Variants in SAMD12 observed in about 807,000 individuals in gnomAD.
SAMD12 encodes sterile alpha motif domain-containing protein 12.
In SAMD12, 9 loss-of-function variants were observed where a neutral mutation model predicts 15.0. The ratio of observed to expected loss-of-function variants is 0.60; its 90% CI spans 0.36 to 1.05. The LOEUF (loss-of-function observed/expected upper bound fraction) is 1.05, where lower values mean the gene tolerates loss of function less well. Ranked by LOEUF, SAMD12 falls within the 50% of genes least tolerant of loss-of-function variation. SAMD12 has a pLI of 0.01. For synonymous variants in SAMD12, 86 were observed against 90.1 expected, an observed-to-expected ratio of 0.96 and a Z score of 0.25; for missense variants, 230 against 234.2, an observed-to-expected ratio of 0.98 and a Z score of 0.12.
At chr8:118,435,909 A>G (rs13263320) in intron 3 of SAMD12, among the ~76,000 whole-genome samples, 71,855 of 152,038 alleles carry the variant, frequency 0.47, 18,311 homozygotes, top group Admixed American at 0.58. Flanking sequence ...GATCAGGAAG[A>G]CTGAAATAAA....
In SAMD12 at chr8:118,209,124, G is replaced by C. The variant is rs17507390; in HGVS notation, c.434-11392C>G. On this transcript the variant is annotated intron_variant, in intron 4 of 4. Transcript: ENST00000409003. ...TTCCCCTTGGGTCATACCAGGGCAG[G>C]ATTCTGAAGACAGTCTCCAAGGTTA... Among the ~76,000 whole-genome samples, 285 of 152,304 alleles carry C rather than the reference G, an allele frequency of 1.9e-3. 1 individual carries two copies. The highest frequency in any genetic ancestry group is 6.6e-3 in the African/African-American group (275 of 41,568).
At chr8:118,416,973 C>G (rs1050160602) in intron 3 of SAMD12, among the ~76,000 whole-genome samples, 1 of 152,114 alleles carries the variant, frequency 6.6e-6, no homozygotes, top group Non-Finnish European at 1.5e-5. Context: ...CTGAACATCA[C>G]CCCGGTTTTT....
chr8:118,179,752 G>T, the SAMD12 span, among the ~76,000 whole-genome samples: 1 of 152,134 alleles, frequency 6.6e-6, no homozygotes, highest in African/African-American at 2.4e-5. Context: ...AGTGTTTGCG[G>T]TTTACTATCT....
intron 4 of SAMD12, among the ~76,000 whole-genome samples, chr8:118,285,971 G>GGAAT (rs754219242): frequency 4.7e-4 from 72 of 152,190 alleles, no homozygotes; most frequent in Non-Finnish European, 8.8e-4. Context: ...TATACACCAT[G>GGAAT]GAATACTATG....
chr8:118,515,185 ATT>A (rs55864364), intron 2 of SAMD12, among the ~76,000 whole-genome samples: 151 of 103,288 alleles, frequency 1.5e-3, no homozygotes, highest in Non-Finnish European at 2.1e-3. Context: ...CGCCCAGCTA[ATT>A]TTTTTTTTTT....
intron 4 of SAMD12, among the ~76,000 whole-genome samples, chr8:118,305,441 T>C (rs922575949): frequency 6.6e-6 from 1 of 152,240 alleles, no homozygotes; most frequent in African/African-American, 2.4e-5. Flanking sequence ...GATTTCTCTC[T>C]GTTATAGCAT....
downstream of SAMD12, among the ~76,000 whole-genome samples, chr8:118,374,956 G>A (rs1481533471): frequency 6.6e-6 from 1 of 151,772 alleles, no homozygotes; most frequent in Non-Finnish European, 1.5e-5. Flanking sequence ...CCTTTGATGT[G>A]TATCAGTAAT....
intron 1 of SAMD12, among the ~76,000 whole-genome samples, chr8:118,598,017 T>C (rs1422398772): frequency 6.6e-6 from 1 of 152,218 alleles, no homozygotes; most frequent in Non-Finnish European, 1.5e-5. Flanking sequence ...CTGTGTTATA[T>C]ATATTCTCCC....
rs955729533 is a variant in SAMD12 at position 118,199,313 on chromosome 8, C to T, written c.434-1581G>A. ...CTTGAAAATAAATACTTTGTAATTTCATTAAGAGAAACACTTCAGTATTTT... is the reference window on the plus strand; with the variant it reads ...CTTGAAAATAAATACTTTGTAATTTTATTAAGAGAAACACTTCAGTATTTT... On this transcript the variant is annotated intron_variant, in intron 4 of 4. Coordinates refer to the SAMD12 transcript ENST00000409003. Among the ~76,000 whole-genome samples the T allele has an allele frequency of 2.0e-5, 3 of 152,256 alleles. No individual in the cohort carries two copies. The East Asian group carries it at 5.8e-4, about 29-fold the overall frequency.
chr8:118,221,187 A>C (rs1205231326), intron 4 of SAMD12, among the ~76,000 whole-genome samples: 1 of 152,184 alleles, frequency 6.6e-6, no homozygotes, highest in African/African-American at 2.4e-5. Context: ...TAGAAATTCA[A>C]ACCTCTATTA....
intron 4 of SAMD12, among the ~76,000 whole-genome samples, chr8:118,271,948 A>T (rs1813364013): frequency 6.6e-6 from 1 of 152,172 alleles, no homozygotes; most frequent in Non-Finnish European, 1.5e-5. Context: ...TCACAGTGCA[A>T]GCTGTCAGTG....
At chr8:118,281,496 A>C (rs1414637947) in intron 4 of SAMD12, among the ~76,000 whole-genome samples, 2 of 152,342 alleles carry the variant, frequency 1.3e-5, no homozygotes, top group East Asian at 3.9e-4. Context: ...TGCTGAATGA[A>C]TGGATGACTT....
chr8:118,438,382 T>A (rs1822635170), intron 3 of SAMD12, among the ~76,000 whole-genome samples: 1 of 151,040 alleles, frequency 6.6e-6, no homozygotes, highest in African/African-American at 2.4e-5. Flanking sequence ...AGCTCAGCAT[T>A]TTTTTTAAAA....
At chr8:118,429,560 G>A (rs1822335627) in intron 3 of SAMD12, among the ~76,000 whole-genome samples, 1 of 151,308 alleles carries the variant, frequency 6.6e-6, no homozygotes. Flanking sequence ...TCTTTTTCTT[G>A]CTTTATTTCA....
chr8:118,435,102 C>CA (rs746295945), intron 3 of SAMD12, among the ~76,000 whole-genome samples: 8,725 of 120,212 alleles, frequency 0.073, 2,714 homozygotes, highest in African/African-American at 0.24. Context: ...GACTCCATCT[C>CA]AAAAAAAAAA....
chr8:118,466,133 G>A (rs979851846), intron 2 of SAMD12, among the ~76,000 whole-genome samples: 4 of 152,076 alleles, frequency 2.6e-5, no homozygotes, highest in African/African-American at 9.7e-5. Context: ...CTCAGTATAG[G>A]ATTAAAAACA....
intron 2 of SAMD12, among the ~76,000 whole-genome samples, chr8:118,549,863 C>G (rs990942327): frequency 5.3e-5 from 8 of 152,076 alleles, no homozygotes; most frequent in East Asian, 3.9e-4. Flanking sequence ...GCCAAGGCTC[C>G]AGAACTACAT....
At position 118,417,885 on chromosome 8, in the gene SAMD12, GT is replaced by G. The variant is rs1222545283; in HGVS notation, c.322+21946del. Among the ~76,000 whole-genome samples, 8 of 152,252 alleles carry G rather than the reference GT, an allele frequency of 5.3e-5. No homozygotes were observed. In the South Asian group the frequency reaches 1.7e-3, roughly 32 times the overall value. ...CCTAAATGCCCAATTTAGAATCTTA[GT>G]GTTAAAACATACTTGAGAGGTTGGT... is the stretch of plus-strand genomic sequence containing the variant. On this transcript the variant is annotated intron_variant, in intron 3 of 3. Coordinates refer to ENST00000314727, the MANE Select transcript of SAMD12 (RefSeq NM_207506.3).
At chr8:118,605,772 AT>A (rs1827970058) in intron 1 of SAMD12, among the ~76,000 whole-genome samples, 1 of 464 alleles carries the variant, frequency 2.2e-3, no homozygotes, top group Non-Finnish European at 6.9e-3. Context: ...CACAATATAT[AT>A]ATATATATAT....
Sources: gnomAD v4.1 joint callset for allele counts (sites outside exome capture counted in the v4.1 genomes callset) on GRCh38, gnomAD v4.1.1 for gene constraint, MANE v1.5 for transcripts, NCBI Gene and HGNC (gene_info 2026-07-23, HGNC 2026-07-21) for gene names.